VIRMA: variants seen among roughly 807,000 people sequenced by gnomAD.
VIRMA encodes vir like m6A methyltransferase associated.
In VIRMA, 65 loss-of-function variants were observed where a neutral mutation model predicts 182.4. The observed-to-expected ratio is 0.36, with a 90% CI of 0.29 to 0.44. The LOEUF (loss-of-function observed/expected upper bound fraction) is 0.44, where lower values mean the gene tolerates loss of function less well. VIRMA is among the 20% of genes least tolerant of loss of function. The pLI, the probability that VIRMA is intolerant of heterozygous loss-of-function variation, is 1.00. For missense variants in VIRMA, 1,752 were observed against 2,158.1 expected (o/e 0.81, Z 3.73); for synonymous variants, 709 against 743.1 (o/e 0.95, Z 0.75).
intron 7 of VIRMA, among the ~76,000 whole-genome samples, chr8:94,528,155 C>A (rs539496049): frequency 2.4e-4 from 36 of 151,204 alleles, no homozygotes; most frequent in African/African-American, 8.5e-4. Flanking sequence ...TCACTTGAAC[C>A]CTGGAGGTGA....
At chr8:94,531,490 T>C (rs1662234391) in intron 5 of VIRMA, among the ~76,000 whole-genome samples, 1 of 152,240 alleles carries the variant, frequency 6.6e-6, no homozygotes, top group Non-Finnish European at 1.5e-5. Context: ...AATTAATCTA[T>C]ATTAATAACA....
Position 94,491,880 on chromosome 8 carries a change from T to C in VIRMA, c.4838A>G (p.Lys1613Arg). The C allele has an allele frequency of 6.2e-7, 1 of 1,605,330 alleles. No homozygotes were observed. The highest frequency in any genetic ancestry group is 8.5e-7 in the Non-Finnish European group (1 of 1,174,600). Residue 1613 changes from lysine (K) to arginine (R), a missense_variant, in exon 22 of 24, where the codon AAA becomes AGA. Transcript: ENST00000297591. ...SGKSEYIEPA[K>R]RAHVVPPPRG... ...TGGTGGTGGCACAACATGAGCTCTT[T>C]TGGCAGGTTCAATGTATTCAGATTT... is the stretch of plus-strand genomic sequence containing the variant.
At chr8:94,523,005 C>T (rs560154741) in intron 8 of VIRMA, among the ~76,000 whole-genome samples, 1 of 152,278 alleles carries the variant, frequency 6.6e-6, no homozygotes, top group African/African-American at 2.4e-5. Flanking sequence ...GAAAAAAACA[C>T]TCAGTAAGTA....
intron 9 of VIRMA, 64 bp downstream of exon 9, chr8:94,518,920 CT>C: frequency 1.4e-6 from 2 of 1,389,168 alleles, no homozygotes. Context: ...TTTTAAGAAA[CT>C]AGACCATTAG....
intron 8 of VIRMA, among the ~76,000 whole-genome samples, chr8:94,522,891 C>G (rs1814821976): frequency 6.6e-6 from 1 of 152,124 alleles, no homozygotes; most frequent in South Asian, 2.1e-4. Flanking sequence ...ATATTCAATA[C>G]CTTTCCATAT....
intron 1 of VIRMA, among the ~76,000 whole-genome samples, chr8:94,546,506 A>G (rs1289940618): frequency 2.0e-5 from 3 of 151,090 alleles, no homozygotes; most frequent in Admixed American, 6.6e-5. Context: ...CATCACTCCA[A>G]TATGAATTAC....
intron 4 of VIRMA, among the ~76,000 whole-genome samples, chr8:94,535,358 G>A (rs1388115369): frequency 3.9e-5 from 6 of 152,148 alleles, no homozygotes; most frequent in Non-Finnish European, 7.4e-5. Context: ...TACAGGGGTC[G>A]TAGAAGGGAC....
intron 10 of VIRMA, among the ~76,000 whole-genome samples, chr8:94,516,051 T>G (rs1250266351): frequency 1.3e-5 from 2 of 151,168 alleles, no homozygotes; most frequent in East Asian, 3.9e-4. Flanking sequence ...GAAGTTGCAG[T>G]GAGCCGAGAT....
intron 8 of VIRMA, among the ~76,000 whole-genome samples, chr8:94,520,308 C>CT (rs1218012575): frequency 6.6e-6 from 1 of 151,522 alleles, no homozygotes; most frequent in Non-Finnish European, 1.5e-5. Flanking sequence ...CAGCCTTGAG[C>CT]AATATAGTGA....
At chr8:94,552,210 T>C (rs1816013922) in intron 1 of VIRMA, among the ~76,000 whole-genome samples, 2 of 152,226 alleles carry the variant, frequency 1.3e-5, no homozygotes, top group Admixed American at 1.3e-4. Flanking sequence ...AACTCAAAGT[T>C]CTCCAACTTT....
chr8:94,519,110 C>T lies in VIRMA; in HGVS notation c.2388G>A (p.Leu796=), dbSNP rs149742739. 18 of 1,613,762 alleles carry T rather than the reference C, an allele frequency of 1.1e-5. No individual in the cohort carries two copies. The highest frequency in any genetic ancestry group is 1.4e-5 in the Non-Finnish European group (16 of 1,179,928). The stretch of plus-strand genomic sequence containing the variant: ...TAAAAGTAATCAAATAAAGATTGTG[C>T]AGGGTTCCCAAGAGATCTGAATGGT... ...ETDHSDLLGT[L]HNLYLITFNP... Residue 796 remains leucine (L), a synonymous_variant, in exon 9 of 24, where the codon CTG becomes CTA. Transcript: ENST00000297591.
intron 2 of VIRMA, among the ~76,000 whole-genome samples, chr8:94,539,814 T>C (rs1754961445): frequency 1.3e-5 from 2 of 152,180 alleles, no homozygotes; most frequent in African/African-American, 2.4e-5. Flanking sequence ...CCCTCATGAA[T>C]GAATGAATGT....
intron 13 of VIRMA, chr8:94,510,870 G>A (rs1814344677): frequency 1.1e-6 from 1 of 878,758 alleles, no homozygotes; most frequent in South Asian, 2.0e-5. Context: ...GTCCATTGGT[G>A]AAGCAATCTA....
At chr8:94,505,344 A>G (rs1167803252) in intron 16 of VIRMA, among the ~76,000 whole-genome samples, 1 of 152,170 alleles carries the variant, frequency 6.6e-6, no homozygotes, top group African/African-American at 2.4e-5. Context: ...ATGTAGTTTA[A>G]TAAATATAAG....
chr8:94,515,155 GGCGTAATCTCGGCTCACTGCAA>G (rs1300090108), intron 10 of VIRMA, among the ~76,000 whole-genome samples: 3 of 151,378 alleles, frequency 2.0e-5, no homozygotes, highest in Non-Finnish European at 4.4e-5. Context: ...GAGTACAAAG[GGCGTAATCTCGGCTCACTGCAA>G]CCTCTGCCTT....
At chr8:94,514,740 A>G (rs771427506) in intron 11 of VIRMA, 129 bp downstream of exon 11, 2 of 552,670 alleles carry the variant, frequency 3.6e-6, no homozygotes, top group Non-Finnish European at 6.5e-6. Flanking sequence ...CTGTACCTAC[A>G]AAGTCTAATA....
chr8:94,517,885 C>G lies in VIRMA; in HGVS notation c.2571G>C (p.Val857=). 6.2e-7 allele frequency: 1 copy of G among 1,612,246 alleles called. No homozygotes were observed. Among genetic ancestry groups the G allele is most frequent in the Non-Finnish European group, 8.5e-7 (1 of 1,178,474 alleles). The change falls in exon 10 of 24, where the codon GTG becomes GTC. Residue 857 remains valine (V), a synonymous_variant. Coordinates refer to ENST00000297591, the MANE Select transcript of VIRMA (RefSeq NM_015496.5). ...AYNYACILIL[V]VVQSSSDVQM... is the part of the protein sequence containing the mutation. ...GAACATCACTGGAAGACTGAACCACCACCAAAATAAGTATGCATGCGTAAT... is the reference window on the plus strand; with the variant it reads ...GAACATCACTGGAAGACTGAACCACGACCAAAATAAGTATGCATGCGTAAT...
chr8:94,489,087 ATG>A (rs1205361060), intron 23 of VIRMA, among the ~76,000 whole-genome samples: 1 of 152,254 alleles, frequency 6.6e-6, no homozygotes, highest in East Asian at 1.9e-4. Flanking sequence ...TTTTTTAAAA[ATG>A]TGCATTTGAA....
At chr8:94,503,900 C>A (rs978436606) in intron 16 of VIRMA, among the ~76,000 whole-genome samples, 1 of 151,882 alleles carries the variant, frequency 6.6e-6, no homozygotes, top group Admixed American at 6.6e-5. Flanking sequence ...AGGTTGGGCA[C>A]AGTGGCTCAC....
Sources: gnomAD v4.1 joint callset for allele counts (sites outside exome capture counted in the v4.1 genomes callset) on GRCh38, gnomAD v4.1.1 for gene constraint, MANE v1.5 for transcripts, NCBI Gene and HGNC (gene_info 2026-07-23, HGNC 2026-07-21) for gene names.